EPSTI1: variants seen among roughly 807,000 people sequenced by gnomAD.
EPSTI1 encodes the protein epithelial-stromal interaction protein 1.
In EPSTI1, 66 loss-of-function variants were observed where a neutral mutation model predicts 49.9. The observed-to-expected ratio is 1.32, with a 90% CI of 1.08 to 1.62. The LOEUF is 1.62. Among genes scored for constraint, EPSTI1 ranks in the 40% most tolerant of loss-of-function variants. The pLI is 0.00. For missense variants in EPSTI1, 394 were observed against 365.5 expected (o/e 1.08, Z -0.64); for synonymous variants, 137 against 130.7 (o/e 1.05, Z -0.33).
chr13:42,965,333 CCA>C (rs1210340489), intron 3 of EPSTI1, among the ~76,000 whole-genome samples: 11 of 152,090 alleles, frequency 7.2e-5, no homozygotes, highest in Non-Finnish European at 1.3e-4. Context: ...CAAGTCCCTC[CCA>C]CACACACATA....
Position 42,966,682 on chromosome 13 carries a change from G to A in EPSTI1, c.331+2412C>T, listed in dbSNP as rs1360448828. Among the ~76,000 whole-genome samples, 3 of 82,392 alleles carry A rather than the reference G, an allele frequency of 3.6e-5. 1 individual carries two copies. The Admixed American group carries it at 4.3e-4, about 12-fold the overall frequency. 54.1% of individuals were successfully genotyped at this position (82,392 alleles called of 152,430 possible). The stretch of plus-strand genomic sequence containing the variant: ...CTCCGCCCGGCAGCCACCCCGGCCG[G>A]GAGGGAGGTGGGGGGGTCAGCCCCC... On this transcript the variant is annotated intron_variant, in intron 3 of 10. Coordinates refer to ENST00000313624, the MANE Select transcript of EPSTI1 (RefSeq NM_033255.5).
At chr13:42,907,829 G>C (rs531156688) in intron 8 of EPSTI1, among the ~76,000 whole-genome samples, 1 of 152,234 alleles carries the variant, frequency 6.6e-6, no homozygotes, top group Admixed American at 6.5e-5. Context: ...TAGCATTCGG[G>C]AACATTAGCC....
intron 6 of EPSTI1, among the ~76,000 whole-genome samples, chr13:42,946,594 T>C (rs2038925227): frequency 6.6e-6 from 1 of 152,170 alleles, no homozygotes; most frequent in Admixed American, 6.5e-5. Context: ...ATTTCCTCTC[T>C]TTACTTTTGC....
chr13:42,930,555 G>A (rs1005946996), intron 6 of EPSTI1, among the ~76,000 whole-genome samples: 3 of 152,186 alleles, frequency 2.0e-5, no homozygotes, highest in African/African-American at 7.2e-5. Flanking sequence ...AACAAAACAT[G>A]AAAGTGAGTA....
intron 6 of EPSTI1, among the ~76,000 whole-genome samples, chr13:42,940,721 G>A (rs944819450): frequency 3.3e-5 from 5 of 152,168 alleles, no homozygotes; most frequent in South Asian, 2.1e-4. Flanking sequence ...CTACAGGCAC[G>A]TGCTACCACA....
intron 6 of EPSTI1, among the ~76,000 whole-genome samples, chr13:42,927,613 C>G (rs189229419): frequency 7.2e-5 from 11 of 152,156 alleles, no homozygotes; most frequent in Admixed American, 1.3e-4. Flanking sequence ...TAAACAGGTG[C>G]CAGCATCACT....
intron 6 of EPSTI1, among the ~76,000 whole-genome samples, chr13:42,933,168 A>G (rs2038434575): frequency 6.6e-6 from 1 of 152,122 alleles, no homozygotes; most frequent in African/African-American, 2.4e-5. Context: ...ATAGTATTGT[A>G]CCAATGTTAA....
intron 8 of EPSTI1, among the ~76,000 whole-genome samples, chr13:42,909,900 CAATA>C (rs944223998): frequency 4.6e-5 from 7 of 151,998 alleles, no homozygotes; most frequent in African/African-American, 1.7e-4. Context: ...TAATTAATGA[CAATA>C]AATAATGATC....
chr13:42,943,257 C>T (rs1318443257), intron 6 of EPSTI1, among the ~76,000 whole-genome samples: 2 of 152,178 alleles, frequency 1.3e-5, no homozygotes, highest in Admixed American at 1.3e-4. Context: ...TTTCTGGGCC[C>T]CAGGGCCTTC....
intron 8 of EPSTI1, among the ~76,000 whole-genome samples, chr13:42,908,893 A>ATGGT (rs2037579138): frequency 6.6e-6 from 1 of 150,854 alleles, no homozygotes; most frequent in Admixed American, 6.6e-5. Context: ...GATCAGCCTG[A>ATGGT]TCAACATGGT....
At chr13:42,919,399 T>C in intron 7 of EPSTI1, 2 of 1,379,676 alleles carry the variant, frequency 1.4e-6, no homozygotes, top group Non-Finnish European at 2.1e-6. Flanking sequence ...ACCAGAAATT[T>C]CTAAGTCACT....
At chr13:42,990,457 T>C (rs1300087329) in intron 1 of EPSTI1, among the ~76,000 whole-genome samples, 9 of 152,338 alleles carry the variant, frequency 5.9e-5, no homozygotes, top group African/African-American at 1.9e-4. Context: ...TCTAAATAAA[T>C]GCTTTTTAAC....
At chr13:42,909,774 G>A (rs1321958691) in intron 8 of EPSTI1, among the ~76,000 whole-genome samples, 1 of 152,138 alleles carries the variant, frequency 6.6e-6, no homozygotes, top group Non-Finnish European at 1.5e-5. Context: ...GAGGCTGGGG[G>A]GGTTAGGAGG....
rs375973689 is a variant in EPSTI1, at chr13:42,889,223, G to GA, written c.916-722dup. ...TTAAGTGACCCACCTTAGGTGCCTC[G>GA]AAAAAACTAATAGAGAACCCTAGAA... On this transcript the variant is annotated intron_variant, in intron 10 of 10. Transcript: ENST00000313624. 3.9e-4 allele frequency: 616 copies of GA among 1,564,896 alleles called. 1 individual carries two copies. The African/African-American group carries it at 7.4e-3, about 19-fold the overall frequency.
At chr13:42,926,472 T>C (rs767333715) in intron 6 of EPSTI1, 43 bp from the exon 7 acceptor site, 2 of 1,043,950 alleles carry the variant, frequency 1.9e-6, no homozygotes, top group Admixed American at 1.7e-5. Flanking sequence ...CACAAAAATA[T>C]GAACATAATT....
intron 8 of EPSTI1, among the ~76,000 whole-genome samples, chr13:42,914,130 T>C (rs947257131): frequency 2.0e-5 from 3 of 152,234 alleles, no homozygotes; most frequent in African/African-American, 7.2e-5. Flanking sequence ...TTATTTATAG[T>C]AATGAGATAA....
At chr13:42,918,915 A>G (rs1382994171) in intron 7 of EPSTI1, among the ~76,000 whole-genome samples, 2 of 152,108 alleles carry the variant, frequency 1.3e-5, no homozygotes, top group African/African-American at 2.4e-5. Context: ...AATATTCCAT[A>G]TAAGACCTAG....
At chr13:42,890,296 C>CTTTTCTTTTCTT (rs1470146396) in intron 10 of EPSTI1, among the ~76,000 whole-genome samples, 58 of 116,290 alleles carry the variant, frequency 5.0e-4, no homozygotes, top group African/African-American at 1.7e-3. Context: ...TTTTTCTTTT[C>CTTTTCTTTTCTT]TTTTTTTTTT....
At chr13:42,974,630 G>A (rs886829153) in intron 1 of EPSTI1, among the ~76,000 whole-genome samples, 5 of 150,760 alleles carry the variant, frequency 3.3e-5, no homozygotes, top group African/African-American at 1.2e-4. Flanking sequence ...CTGCACTCCC[G>A]CCTGGGCGAC....
Sources: allele counts gnomAD v4.1 joint callset (sites outside exome capture counted in the v4.1 genomes callset), GRCh38; gene constraint gnomAD v4.1.1; transcripts MANE v1.5; gene names NCBI Gene and HGNC (gene_info 2026-07-23, HGNC 2026-07-21).